Variants in PSD2 observed in about 807,000 individuals in gnomAD.
PSD2 encodes PH and SEC7 domain-containing protein 2.
Under a neutral mutation model 69.8 loss-of-function variants are expected in PSD2, and 38 were observed. The ratio of observed to expected loss-of-function variants is 0.54; its 90% CI spans 0.42 to 0.71. The LOEUF (loss-of-function observed/expected upper bound fraction) is 0.71. PSD2 is among the 30% of genes least tolerant of loss of function. PSD2 has a pLI of 0.00. For missense variants in PSD2, 943 were observed against 1,014.5 expected, an observed-to-expected ratio of 0.93 and a Z score of 0.96; for synonymous variants, 412 against 423.0, an observed-to-expected ratio of 0.97 and a Z score of 0.32.
intron 1 of PSD2, among the ~76,000 whole-genome samples, chr5:139,796,765 A>G (rs1759541927): frequency 6.6e-6 from 1 of 152,166 alleles, no homozygotes; most frequent in South Asian, 2.1e-4. Context: ...CCAGGGGGCC[A>G]CTGTCTCAAG....
the PSD2 span, among the ~76,000 whole-genome samples, chr5:139,760,391 G>A: frequency 6.6e-6 from 1 of 152,094 alleles, no homozygotes; most frequent in Non-Finnish European, 1.5e-5. Context: ...TGTGCTCACG[G>A]GGGACCCACA....
In PSD2 at chr5:139,813,433, C is replaced by G. The variant is rs762924374; in HGVS notation, c.496C>G (p.Leu166Val). ...SSLDSLDGLS[L>V]TDESDSCVSF... Reference sequence around the variant, plus strand: ...CCTCGACTCCCTAGACGGGCTGAGCCTCACGGATGAGAGCGACAGCTGCGT... The same window carrying G: ...CCTCGACTCCCTAGACGGGCTGAGCGTCACGGATGAGAGCGACAGCTGCGT... Residue 166 changes from leucine to valine, a missense_variant, in exon 3 of 15, where the codon CTC becomes GTC. Physicochemically the swap from Leu to Val is conservative, Grantham distance 32. This residue lies in a region of PSD2 where 466 missense variants were observed against 445.0 expected (regional missense o/e 1.05). Transcript: ENST00000274710. 28 of 1,613,938 alleles carry G rather than the reference C, an allele frequency of 1.7e-5. No homozygotes were observed. The highest frequency in any genetic ancestry group is 3.4e-6 in the Non-Finnish European group (4 of 1,179,904).
chr5:139,794,951 AGGGCCTTGACTT>A (rs1759482631), upstream of PSD2, among the ~76,000 whole-genome samples: 1 of 152,076 alleles, frequency 6.6e-6, no homozygotes, highest in Non-Finnish European at 1.5e-5. Context: ...GGGCGGCTTC[AGGGCCTTGACTT>A]GCCCTTGGGG....
the PSD2 span, among the ~76,000 whole-genome samples, chr5:139,759,869 C>T: frequency 6.6e-6 from 1 of 152,374 alleles, no homozygotes; most frequent in African/African-American, 2.4e-5. Flanking sequence ...GCTGGCATGC[C>T]TGGGGAGGCC....
Position 139,809,762 on chromosome 5 carries a change from G to T in PSD2, c.322G>T (p.Asp108Tyr). Residue 108 changes from aspartate to tyrosine, a missense_variant, in exon 2 of 15, where the codon GAC (aspartate) becomes TAC (tyrosine). By Grantham distance (160) the Asp-to-Tyr change is radical (BLOSUM62 -3). Around this residue, in one of 3 missense-constraint regions of PSD2, gnomAD observed 466 missense variants for 445.0 expected, o/e 1.05. Transcript: ENST00000274710. ...PWRAGVLAEGDNASRSLYPDA... is the reference protein window; with the variant it reads ...PWRAGVLAEGYNASRSLYPDA... ...GAGGGCTGGCGTGCTGGCAGAGGGG[G>T]ACAATGCTTCCAGGAGCCTCTACCC... 1.9e-6 allele frequency: 3 copies of T among 1,614,226 alleles called. No individual in the cohort carries two copies. The highest frequency in any genetic ancestry group is 1.7e-6 in the Non-Finnish European group (2 of 1,180,040).
chr5:139,805,012 AGTGTGTGC>A (rs1759768637), intron 1 of PSD2, among the ~76,000 whole-genome samples: 1 of 137,550 alleles, frequency 7.3e-6, no homozygotes, highest in African/African-American at 2.8e-5. Flanking sequence ...TGTGTGTGTG[AGTGTGTGC>A]GTGTGTGTGT....
chr5:139,777,450 G>A, the PSD2 span, among the ~76,000 whole-genome samples: 1 of 152,194 alleles, frequency 6.6e-6, no homozygotes, highest in Non-Finnish European at 1.5e-5. Context: ...GGGGAGAAAG[G>A]CAACGTCTGT....
chr5:139,840,205 G>A, intron 14 of PSD2, 35 bp downstream of exon 14: 1 of 1,608,288 alleles, frequency 6.2e-7, no homozygotes, highest in Non-Finnish European at 8.5e-7. Context: ...AAAGCCCAGT[G>A]CCCTGCTCTT....
Position 139,809,476 on chromosome 5 carries a change from G to A in PSD2, c.36G>A (p.Glu12=). Residue 12 remains glutamate (E), a synonymous_variant, in exon 2 of 15, where the codon GAG becomes GAA. Coordinates refer to ENST00000274710, the MANE Select transcript of PSD2 (RefSeq NM_032289.4). Reference sequence around the variant, plus strand: ...ACAAGCTCTTATCTGCAGTGCCTGAGGAAGGCGATGCCACCCGTGACCCCG... The same window carrying A: ...ACAAGCTCTTATCTGCAGTGCCTGAAGAAGGCGATGCCACCCGTGACCCCG... ...EEDKLLSAVP[E]EGDATRDPGP... is the part of the protein sequence containing the mutation. 6.2e-7 allele frequency: 1 copy of A among 1,612,650 alleles called. No individual in the cohort carries two copies. The highest frequency in any genetic ancestry group is 8.5e-7 in the Non-Finnish European group (1 of 1,179,544).
intron 2 of PSD2, among the ~76,000 whole-genome samples, chr5:139,810,067 G>A (rs1021719402): frequency 1.3e-5 from 2 of 151,908 alleles, no homozygotes; most frequent in African/African-American, 2.4e-5. Context: ...GGGGTGGGGG[G>A]TGCTGCCCTC....
At chr5:139,813,955 C>T (rs950515768) in intron 3 of PSD2, among the ~76,000 whole-genome samples, 197 bp downstream of exon 3, 5 of 152,214 alleles carry the variant, frequency 3.3e-5, no homozygotes, top group African/African-American at 2.4e-5. Context: ...TTCTCAGCCC[C>T]GGTAGAAGTC....
the PSD2 span, among the ~76,000 whole-genome samples, chr5:139,781,626 C>T: frequency 2.0e-5 from 3 of 148,812 alleles, no homozygotes; most frequent in Admixed American, 6.8e-5. Flanking sequence ...TGAGCCACGG[C>T]GCCTGGCCTT....
In PSD2 at chr5:139,822,653, G is replaced by A. The variant is rs939003499; in HGVS notation, c.1211-73G>A. On this transcript the variant is annotated intron_variant, in intron 6 of 14. Coordinates refer to ENST00000274710, the MANE Select transcript of PSD2 (RefSeq NM_032289.4). ...CCCTCTGTGTCCAAGGTCTCCTGAC[G>A]GGTTCCGTCAGGAGACAGGGAGTGG... The A allele has an allele frequency of 7.9e-6, 11 of 1,391,348 alleles. No individual in the cohort carries two copies. The East Asian group carries it at 1.5e-4, about 18-fold the overall frequency. 86.2% of individuals were successfully genotyped at this position (1,391,348 alleles called of 1,614,324 possible). A position where few individuals can be genotyped will look rare whatever the true frequency, so the allele number is the denominator to read the frequency against.
At chr5:139,772,275 T>C in the PSD2 span, among the ~76,000 whole-genome samples, 35,462 of 152,102 alleles carry the variant, frequency 0.23, 4,852 homozygotes, top group African/African-American at 0.38. Context: ...CTCAGCCAAG[T>C]TCTCTGAGCC....
At chr5:139,772,164 G>A in the PSD2 span, among the ~76,000 whole-genome samples, 1 of 152,244 alleles carries the variant, frequency 6.6e-6, no homozygotes. Flanking sequence ...AGCTGGGTGG[G>A]AGGAAAAAGC....
At chr5:139,831,489 AT>A (rs1760598313) in intron 7 of PSD2, among the ~76,000 whole-genome samples, 1 of 151,488 alleles carries the variant, frequency 6.6e-6, no homozygotes, top group Non-Finnish European at 1.5e-5. Context: ...CTACTTTTGG[AT>A]TAAGTATGTT....
chr5:139,788,607 C>T, the PSD2 span, among the ~76,000 whole-genome samples: 1 of 152,226 alleles, frequency 6.6e-6, no homozygotes, highest in Non-Finnish European at 1.5e-5. Flanking sequence ...GGCTGCCCAC[C>T]CCATACCACC....
chr5:139,748,664 T>C, the PSD2 span, among the ~76,000 whole-genome samples: 1 of 152,148 alleles, frequency 6.6e-6, no homozygotes, highest in Non-Finnish European at 1.5e-5. Flanking sequence ...GCAGCGCGGG[T>C]GCAGACCTCG....
the PSD2 span, among the ~76,000 whole-genome samples, chr5:139,781,390 C>T: frequency 6.6e-6 from 1 of 151,656 alleles, no homozygotes; most frequent in Non-Finnish European, 1.5e-5. Context: ...GGCTGGAGTG[C>T]AGTGGTGCAA....
Sources: gnomAD v4.1 joint callset for allele counts (sites outside exome capture counted in the v4.1 genomes callset) on GRCh38, gnomAD v4.1.1 for gene constraint, gnomAD v4.1.1 regional missense constraint, MANE v1.5 for transcripts, NCBI Gene and HGNC (gene_info 2026-07-23, HGNC 2026-07-21) for gene names.